TBXAS1: variants seen among roughly 807,000 people sequenced by gnomAD.
TBXAS1 encodes the protein thromboxane A synthase 1.
In TBXAS1, 48 loss-of-function variants were observed where a neutral mutation model predicts 60.7. The ratio of observed to expected loss-of-function variants is 0.79; its 90% confidence interval spans 0.63 to 1.01. The LOEUF (loss-of-function observed/expected upper bound fraction) is 1.01, where lower values mean the gene tolerates loss of function less well. Ranked by LOEUF, TBXAS1 falls within the 50% of genes least tolerant of loss-of-function variation. The pLI is 0.00. For synonymous variants in TBXAS1, 287 were observed against 269.7 expected (o/e 1.06, Z -0.63); for missense variants, 685 against 686.3 (o/e 1.00, Z 0.02).
intron 4 of TBXAS1, among the ~76,000 whole-genome samples, chr7:139,787,967 T>C (rs1797252144): frequency 6.6e-6 from 1 of 152,246 alleles, no homozygotes; most frequent in Non-Finnish European, 1.5e-5. Flanking sequence ...ACTAAATGTG[T>C]GTTTCTTTAT....
chr7:139,963,286 G>A (rs55664833), intron 9 of TBXAS1, among the ~76,000 whole-genome samples: 5 of 152,222 alleles, frequency 3.3e-5, no homozygotes, highest in Admixed American at 6.5e-5. Context: ...ATTGAGCCTA[G>A]ACGGAAGAGT....
rs1406193880 is a variant in TBXAS1 at position 139,955,387 on chromosome 7, C to G, written c.540-72C>G. 9.4e-6 allele frequency: 15 copies of G among 1,603,252 alleles called. No individual in the cohort carries two copies. The East Asian group carries it at 2.2e-4, about 24-fold the overall frequency. On this transcript the variant is annotated intron_variant, in intron 6 of 12. Coordinates refer to ENST00000448866, the MANE Select transcript of TBXAS1 (RefSeq NM_001061.7). ...CAGTGTAAGCAATTCAGGCCCTCCT[C>G]CTCTGGAGGGGGCCATTGTGGGTAG...
At chr7:140,007,611 C>A (rs1814194299) in intron 10 of TBXAS1, among the ~76,000 whole-genome samples, 1 of 152,158 alleles carries the variant, frequency 6.6e-6, no homozygotes, top group Non-Finnish European at 1.5e-5. Context: ...TTGGAGCTGG[C>A]ATTCAGACAG....
intron 3 of TBXAS1, among the ~76,000 whole-genome samples, chr7:139,783,152 C>G (rs1408865792): frequency 2.0e-5 from 3 of 151,970 alleles, no homozygotes; most frequent in African/African-American, 7.3e-5. Flanking sequence ...AAGGGGAGAG[C>G]GAGGCTTGGC....
At chr7:140,019,753 C>G (rs113810369) in intron 12 of TBXAS1, among the ~76,000 whole-genome samples, 1 of 152,222 alleles carries the variant, frequency 6.6e-6, no homozygotes, top group African/African-American at 2.4e-5. Flanking sequence ...CAGACCACAG[C>G]ACACATGAGC....
At chr7:139,800,851 C>T (rs1797705367) in intron 4 of TBXAS1, among the ~76,000 whole-genome samples, 2 of 152,160 alleles carry the variant, frequency 1.3e-5, no homozygotes, top group South Asian at 4.1e-4. Flanking sequence ...TTATCAATTG[C>T]TTACTTGTTG....
intron 3 of TBXAS1, chr7:139,906,070 C>CT (rs35857550): frequency 0.046 from 15,917 of 349,056 alleles, no homozygotes; most frequent in Non-Finnish European, 0.056. Flanking sequence ...ACTCTAGCAT[C>CT]TTTTTTTTTT....
chr7:139,954,701 A>G (rs1187559262), intron 6 of TBXAS1, among the ~76,000 whole-genome samples: 1 of 152,254 alleles, frequency 6.6e-6, no homozygotes, highest in African/African-American at 2.4e-5. Flanking sequence ...AACAAAAAGA[A>G]TCATTTGAGT....
intron 4 of TBXAS1, among the ~76,000 whole-genome samples, chr7:139,925,021 G>C (rs1220917991): frequency 6.6e-6 from 1 of 152,106 alleles, no homozygotes; most frequent in Admixed American, 6.5e-5. Flanking sequence ...CTATGTGTCT[G>C]GTTTTATGCT....
chr7:139,833,154 C>G (rs1798820398), intron 1 of TBXAS1, among the ~76,000 whole-genome samples: 1 of 152,186 alleles, frequency 6.6e-6, no homozygotes, highest in African/African-American at 2.4e-5. Context: ...AATACTAACA[C>G]TGAATGTAAA....
At chr7:139,811,883 C>T (rs1024825802) in intron 4 of TBXAS1, among the ~76,000 whole-genome samples, 6 of 152,204 alleles carry the variant, frequency 3.9e-5, no homozygotes, top group African/African-American at 1.4e-4. Flanking sequence ...TATTTCAACC[C>T]TGCACTTCCT....
intron 1 of TBXAS1, among the ~76,000 whole-genome samples, chr7:139,857,729 ATTTTTTT>A (rs544006307): frequency 1.4e-5 from 2 of 139,650 alleles, no homozygotes; most frequent in African/African-American, 5.3e-5. Flanking sequence ...TTTCTTCTTA[ATTTTTTT>A]TTTTTTTTTT....
At chr7:139,988,136 G>T (rs1569523033) in intron 9 of TBXAS1, among the ~76,000 whole-genome samples, 1 of 152,260 alleles carries the variant, frequency 6.6e-6, no homozygotes, top group Non-Finnish European at 1.5e-5. Context: ...GCTGAGCACA[G>T]CTGCAGAGGT....
At chr7:139,791,803 G>GT (rs1554464060) in intron 4 of TBXAS1, among the ~76,000 whole-genome samples, 26 of 76,010 alleles carry the variant, frequency 3.4e-4, no homozygotes, top group Non-Finnish European at 3.9e-4. Flanking sequence ...TCTTTGGAAT[G>GT]TTTTGTTTTT....
At chr7:139,875,660 C>T in intron 3 of TBXAS1, 23 bp downstream of exon 3, 1 of 1,613,736 alleles carries the variant, frequency 6.2e-7, no homozygotes, top group Non-Finnish European at 8.5e-7. Context: ...CTCAACGTTT[C>T]TATTATGTAC....
intron 1 of TBXAS1, among the ~76,000 whole-genome samples, chr7:139,847,048 C>A (rs1799866929): frequency 6.6e-6 from 1 of 152,196 alleles, no homozygotes; most frequent in Non-Finnish European, 1.5e-5. Context: ...GAGCAATAAA[C>A]CTTACACCAA....
chr7:140,020,120 G>C lies in TBXAS1; in HGVS notation c.*21G>C. ...GCTGACACAGAAGGCTGCCGGGTGG[G>C]GGGAGGGCACCCCCAAATTCAAAGA... On this transcript the variant is annotated 3_prime_UTR_variant, in exon 13 of 13. Transcript: ENST00000448866. 4 of 1,610,672 alleles carry C rather than the reference G, an allele frequency of 2.5e-6. No individual in the cohort carries two copies. Among genetic ancestry groups the C allele is most frequent in the South Asian group, 1.1e-5 (1 of 91,006 alleles).
chr7:139,889,486 A>G (rs967111861), intron 3 of TBXAS1, among the ~76,000 whole-genome samples: 1 of 152,214 alleles, frequency 6.6e-6, no homozygotes, highest in African/African-American at 2.4e-5. Flanking sequence ...AAATAGTTTT[A>G]TCTTTTTCTT....
chr7:139,884,513 G>A (rs1016949123), intron 3 of TBXAS1, among the ~76,000 whole-genome samples: 1 of 152,204 alleles, frequency 6.6e-6, no homozygotes, highest in Non-Finnish European at 1.5e-5. Flanking sequence ...CCCATTTGCC[G>A]GGGTAAGCTA....
Sources: gnomAD v4.1 joint callset for allele counts (sites outside exome capture counted in the v4.1 genomes callset) on GRCh38, gnomAD v4.1.1 for gene constraint, MANE v1.5 for transcripts, NCBI Gene and HGNC (gene_info 2026-07-23, HGNC 2026-07-21) for gene names.